Variants in MAGI1 observed in about 807,000 individuals in gnomAD.
The protein encoded by MAGI1 is membrane associated guanylate kinase, WW and PDZ domain containing 1.
Under a neutral mutation model 139.9 loss-of-function variants are expected in MAGI1, and 58 were observed. That is an observed-to-expected ratio of 0.41 (90% confidence interval 0.34 to 0.52). The LOEUF (loss-of-function observed/expected upper bound fraction) is 0.52, where lower values mean the gene tolerates loss of function less well. Among genes scored for constraint, MAGI1 ranks in the 20% least tolerant of loss-of-function variants. The pLI, the probability that MAGI1 is intolerant of heterozygous loss-of-function variation, is 0.12. For synonymous variants in MAGI1, 812 were observed against 737.9 expected (o/e 1.10, Z -1.63); for missense variants, 1,874 against 1,901.6 (o/e 0.99, Z 0.27).
At chr3:65,975,844 C>T (rs998923652) in intron 1 of MAGI1, among the ~76,000 whole-genome samples, 10 of 152,132 alleles carry the variant, frequency 6.6e-5, no homozygotes, top group Non-Finnish European at 1.3e-4. Context: ...TTATTTTGCA[C>T]ATTCTTCCTT....
At chr3:65,425,166 A>G (rs1946948782) in intron 12 of MAGI1, among the ~76,000 whole-genome samples, 1 of 150,494 alleles carries the variant, frequency 6.6e-6, no homozygotes, top group South Asian at 2.1e-4. Context: ...ACATCATACA[A>G]TCTGTACGGC....
intron 1 of MAGI1, among the ~76,000 whole-genome samples, chr3:65,900,083 A>G (rs150247187): frequency 1.3e-3 from 205 of 151,944 alleles, no homozygotes; most frequent in African/African-American, 4.7e-3. Context: ...GATTACAATT[A>G]CCTGGACCCA....
intron 1 of MAGI1, among the ~76,000 whole-genome samples, chr3:65,981,826 C>T (rs181263087): frequency 1.3e-5 from 2 of 152,048 alleles, no homozygotes; most frequent in Admixed American, 6.5e-5. Context: ...ATGAGTGTGC[C>T]GCCTCCCCAG....
intron 1 of MAGI1, among the ~76,000 whole-genome samples, chr3:65,666,191 T>C (rs2086509698): frequency 6.6e-6 from 1 of 152,192 alleles, no homozygotes; most frequent in Admixed American, 6.5e-5. Flanking sequence ...CTCGGCAAAT[T>C]TCCCACCTCT....
chr3:65,591,431 A>G (rs998269164), intron 2 of MAGI1, among the ~76,000 whole-genome samples: 8 of 152,096 alleles, frequency 5.3e-5, no homozygotes, highest in Non-Finnish European at 5.9e-5. Flanking sequence ...CTCCACTACC[A>G]TTACTCTGGT....
chr3:66,013,836 C>T (rs939141246), intron 1 of MAGI1, among the ~76,000 whole-genome samples: 7 of 151,858 alleles, frequency 4.6e-5, no homozygotes, highest in Non-Finnish European at 8.8e-5. Flanking sequence ...AGGGCCAATG[C>T]TACCCACTTT....
chr3:65,471,562 A>G (rs1950561707), intron 4 of MAGI1, among the ~76,000 whole-genome samples: 1 of 152,112 alleles, frequency 6.6e-6, no homozygotes, highest in Non-Finnish European at 1.5e-5. Context: ...ACCACCCTTG[A>G]GGAGGCTGCC....
intron 1 of MAGI1, among the ~76,000 whole-genome samples, chr3:65,798,590 G>A (rs558873280): frequency 5.3e-5 from 8 of 152,128 alleles, no homozygotes; most frequent in African/African-American, 1.9e-4. Flanking sequence ...CTTAAACTTC[G>A]CAGATTCATG....
chr3:65,930,500 G>A (rs2062759449), intron 1 of MAGI1, among the ~76,000 whole-genome samples: 1 of 152,082 alleles, frequency 6.6e-6, no homozygotes, highest in Non-Finnish European at 1.5e-5. Context: ...GGGAGGCAGA[G>A]GCAGGCAGAT....
At chr3:65,882,693 G>C (rs927313734) in intron 1 of MAGI1, among the ~76,000 whole-genome samples, 10 of 152,144 alleles carry the variant, frequency 6.6e-5, no homozygotes, top group Non-Finnish European at 1.2e-4. Context: ...TGCACTTTGG[G>C]AAGCTGAGGC....
At chr3:65,949,803 GC>G (rs1560045042) in intron 1 of MAGI1, among the ~76,000 whole-genome samples, 1 of 151,934 alleles carries the variant, frequency 6.6e-6, no homozygotes, top group Non-Finnish European at 1.5e-5. Flanking sequence ...CTAGATTGGG[GC>G]TGGGCACGGT....
intron 1 of MAGI1, among the ~76,000 whole-genome samples, chr3:65,936,274 A>C (rs1273365016): frequency 6.6e-6 from 1 of 152,172 alleles, no homozygotes; most frequent in Non-Finnish European, 1.5e-5. Context: ...CTGACTGCAA[A>C]ATACAAAGAG....
At chr3:65,682,665 C>A (rs974559212) in intron 1 of MAGI1, among the ~76,000 whole-genome samples, 5 of 151,998 alleles carry the variant, frequency 3.3e-5, no homozygotes, top group Non-Finnish European at 5.9e-5. Flanking sequence ...AGAAAAAAAT[C>A]TTTAGGATAT....
At chr3:65,414,603 C>T (rs1946046907) in intron 12 of MAGI1, among the ~76,000 whole-genome samples, 1 of 152,114 alleles carries the variant, frequency 6.6e-6, no homozygotes, top group Admixed American at 6.5e-5. Flanking sequence ...AGCAGTGATT[C>T]CTGGATTTTA....
intron 1 of MAGI1, among the ~76,000 whole-genome samples, chr3:65,903,795 G>A (rs1167835629): frequency 1.3e-5 from 2 of 152,046 alleles, no homozygotes; most frequent in East Asian, 1.9e-4. Flanking sequence ...ATCACCTGAG[G>A]TCTGGAGGTC....
In MAGI1 at chr3:65,609,506, C is replaced by T. The variant is rs79641468; in HGVS notation, c.430+12466G>A. On this transcript the variant is annotated intron_variant, in intron 2 of 22. Transcript: ENST00000402939. ...GTTGGTCAGGCTTGTCTTGAACTCCCGACCTCAAGCAATCCACCTGCCTCA... is the reference window on the plus strand; with the variant it reads ...GTTGGTCAGGCTTGTCTTGAACTCCTGACCTCAAGCAATCCACCTGCCTCA... 1.2e-3 allele frequency among the ~76,000 whole-genome samples: 179 copies of T among 151,932 alleles called. 5 individuals are homozygous for T. The East Asian group carries it at 0.029, about 25-fold the overall frequency.
chr3:65,825,038 G>T (rs2042149252), intron 1 of MAGI1, among the ~76,000 whole-genome samples: 1 of 152,182 alleles, frequency 6.6e-6, no homozygotes, highest in African/African-American at 2.4e-5. Context: ...GTAAAGAAGA[G>T]GGAAGAGTAA....
intron 5 of MAGI1, among the ~76,000 whole-genome samples, chr3:65,469,187 T>C (rs879762194): frequency 6.6e-6 from 1 of 152,174 alleles, no homozygotes; most frequent in Non-Finnish European, 1.5e-5. Context: ...TATGTGTGTA[T>C]ACATGTATAA....
rs546732995 is a variant in MAGI1, at chr3:65,589,656, G to T, written c.430+32316C>A. ...GAAAATAGGCTTTGGAGGCTGTGTA[G>T]TCTCTGTCACAACTACTCAACACTC... On this transcript the variant is annotated intron_variant, in intron 2 of 22. Transcript: ENST00000402939. 2.6e-5 allele frequency among the ~76,000 whole-genome samples: 4 copies of T among 151,898 alleles called. 1 individual carries two copies. The South Asian group carries it at 8.3e-4, about 32-fold the overall frequency.
Sources: gnomAD v4.1 joint callset for allele counts (sites outside exome capture counted in the v4.1 genomes callset) on GRCh38, gnomAD v4.1.1 for gene constraint, MANE v1.5 for transcripts, NCBI Gene and HGNC (gene_info 2026-07-23, HGNC 2026-07-21) for gene names.